The following GMDS variants were observed in gnomAD, a reference collection of about 807,000 sequenced individuals.
GMDS encodes the protein GDP-mannose 4,6 dehydratase.
A neutral mutation model predicts 49.9 loss-of-function variants in GMDS; 20 were observed. The ratio of observed to expected loss-of-function variants is 0.40; its 90% CI spans 0.28 to 0.58. The LOEUF is 0.58. Among genes scored for constraint, GMDS ranks in the 20% least tolerant of loss-of-function variants. The probability of loss-of-function intolerance (pLI) is 0.42; values close to 1 mark genes in which losing one functional copy is unlikely to be tolerated. For synonymous variants in GMDS, 177 were observed against 178.6 expected (o/e 0.99, Z 0.07); for missense variants, 362 against 481.4 (o/e 0.75, Z 2.32).
chr6:2,107,735 T>A (rs1774322409), intron 4 of GMDS, among the ~76,000 whole-genome samples: 3 of 152,218 alleles, frequency 2.0e-5, no homozygotes, highest in Non-Finnish European at 4.4e-5. Flanking sequence ...AGATTAAAAG[T>A]ATCCAGTCTT....
intron 4 of GMDS, among the ~76,000 whole-genome samples, chr6:1,985,551 G>GA (rs930602738): frequency 2.6e-5 from 4 of 150,954 alleles, no homozygotes; most frequent in Non-Finnish European, 5.9e-5. Flanking sequence ...CTTAAACCAA[G>GA]AAAAAAAATC....
At chr6:2,026,640 C>T (rs1213732890) in intron 4 of GMDS, among the ~76,000 whole-genome samples, 1 of 152,136 alleles carries the variant, frequency 6.6e-6, no homozygotes, top group African/African-American at 2.4e-5. Flanking sequence ...TGAACATTTC[C>T]TAAAGTGCTC....
chr6:2,184,968 C>T (rs922653717), intron 1 of GMDS, among the ~76,000 whole-genome samples: 7 of 152,084 alleles, frequency 4.6e-5, no homozygotes, highest in African/African-American at 1.4e-4. Flanking sequence ...CTGTACCAGA[C>T]ACTGTTTTAG....
intron 7 of GMDS, among the ~76,000 whole-genome samples, chr6:1,908,736 C>T (rs1018652839): frequency 6.6e-5 from 10 of 152,208 alleles, no homozygotes; most frequent in Admixed American, 5.9e-4. Context: ...GTAAGCTCTT[C>T]CCTACGGCTG....
intron 1 of GMDS, among the ~76,000 whole-genome samples, chr6:2,167,734 C>T (rs75328389): frequency 0.041 from 6,181 of 152,000 alleles, 252 homozygotes; most frequent in South Asian, 0.13. Flanking sequence ...CAAGCCAATC[C>T]TCCTCTGATA....
Position 1,919,917 on chromosome 6 carries a change from A to C in GMDS, c.771+10186T>G, listed in dbSNP as rs145409217. On this transcript the variant is annotated intron_variant, in intron 7 of 10. Transcript: ENST00000380815. Reference sequence around the variant, plus strand: ...TCAAATCAGCACTACAAAGCCATCAATTATCCCAGCTGTATTGAAGTCAAC... The same window carrying C: ...TCAAATCAGCACTACAAAGCCATCACTTATCCCAGCTGTATTGAAGTCAAC... Among the ~76,000 whole-genome samples the C allele has an allele frequency of 4.7e-4, 72 of 152,340 alleles. 1 individual carries two copies. The highest frequency in any genetic ancestry group is 1.6e-3 in the African/African-American group (65 of 41,578).
chr6:2,072,142 A>G (rs1772050340), intron 4 of GMDS, among the ~76,000 whole-genome samples: 2 of 152,236 alleles, frequency 1.3e-5, no homozygotes, highest in South Asian at 4.1e-4. Flanking sequence ...CATGGATACA[A>G]TTTACATGCT....
At chr6:2,117,001 A>G (rs1774882951) in intron 3 of GMDS, among the ~76,000 whole-genome samples, 6 of 152,246 alleles carry the variant, frequency 3.9e-5, no homozygotes, top group Non-Finnish European at 8.8e-5. Flanking sequence ...AACAACTGCA[A>G]ATGCTGACAA....
intron 1 of GMDS, among the ~76,000 whole-genome samples, chr6:2,226,308 A>G (rs1003012750): frequency 6.6e-6 from 1 of 152,168 alleles, no homozygotes; most frequent in Non-Finnish European, 1.5e-5. Context: ...CAGTTCACTA[A>G]TTTTGAAAGA....
chr6:1,790,803 C>T (rs545929085), intron 7 of GMDS, among the ~76,000 whole-genome samples: 8 of 152,342 alleles, frequency 5.3e-5, no homozygotes, highest in African/African-American at 1.9e-4. Flanking sequence ...AGAAGTTCTG[C>T]TGCTGCCTGC....
chr6:2,043,736 A>G lies in GMDS; in HGVS notation c.345+72035T>C, dbSNP rs1769826843. Among the ~76,000 whole-genome samples, 5 of 152,354 alleles carry G rather than the reference A, an allele frequency of 3.3e-5. No individual in the cohort carries two copies. In the South Asian group the frequency reaches 1.0e-3, roughly 32 times the overall value. On this transcript the variant is annotated intron_variant, in intron 4 of 10. Coordinates refer to ENST00000380815, the MANE Select transcript of GMDS (RefSeq NM_001500.4). ...AATAAACTTGTTTTTGAGCTTCTGC[A>G]CAGCAAAATAAACTATCAACAGAGT...
intron 1 of GMDS, among the ~76,000 whole-genome samples, chr6:2,233,162 T>A (rs577290231): frequency 6.6e-6 from 1 of 152,290 alleles, no homozygotes; most frequent in East Asian, 1.9e-4. Flanking sequence ...CAAAAACATC[T>A]CTGGCCTCCC....
At chr6:1,707,590 C>CTGCCACTCACT (rs1765783942) in intron 9 of GMDS, among the ~76,000 whole-genome samples, 1 of 151,668 alleles carries the variant, frequency 6.6e-6, no homozygotes, top group Non-Finnish European at 1.5e-5. Context: ...GGGAGGAGCT[C>CTGCCACTCACT]CCCACCTTCC....
intron 6 of GMDS, among the ~76,000 whole-genome samples, chr6:1,942,010 C>T (rs1762847929): frequency 6.6e-6 from 1 of 152,226 alleles, no homozygotes; most frequent in Non-Finnish European, 1.5e-5. Context: ...CCTTCGCACA[C>T]CTATGCTGAC....
chr6:1,728,076 G>C (rs1381788098), intron 8 of GMDS, among the ~76,000 whole-genome samples: 1 of 152,174 alleles, frequency 6.6e-6, no homozygotes, highest in African/African-American at 2.4e-5. Context: ...AATTCACCGG[G>C]AAACGGTAAG....
intron 8 of GMDS, among the ~76,000 whole-genome samples, chr6:1,727,583 A>C (rs1766641952): frequency 6.6e-6 from 1 of 152,110 alleles, no homozygotes; most frequent in South Asian, 2.1e-4. Context: ...GGGAAGACAA[A>C]ATTAGTTACC....
intron 4 of GMDS, among the ~76,000 whole-genome samples, chr6:1,967,967 G>T (rs1581436104): frequency 6.6e-6 from 1 of 152,210 alleles, no homozygotes; most frequent in Non-Finnish European, 1.5e-5. Flanking sequence ...TGTCAATTCT[G>T]TAGTCTACAA....
rs1763285684 is a variant in GMDS, at chr6:1,640,196, T to C, written c.988-15656A>G. 2.0e-5 allele frequency among the ~76,000 whole-genome samples: 3 copies of C among 152,108 alleles called. No homozygotes were observed. The highest frequency in any genetic ancestry group is 7.2e-5 in the African/African-American group (3 of 41,418). ...GTTGCCCAAGGCTCCCCCACATCAC[T>C]CTTCAGTTCTAGCAATCTGCTGCCC... On this transcript the variant is annotated intron_variant, in intron 9 of 10. Coordinates refer to ENST00000380815, the MANE Select transcript of GMDS (RefSeq NM_001500.4). The surrounding 1 kb of genome is among the most constrained non-coding windows in gnomAD (Gnocchi z 4.0).
chr6:2,185,383 T>A (rs1038407517), intron 1 of GMDS, among the ~76,000 whole-genome samples: 1 of 152,214 alleles, frequency 6.6e-6, no homozygotes, highest in African/African-American at 2.4e-5. Flanking sequence ...TCAAAACTAC[T>A]GCACTTTACA....
Sources: allele counts gnomAD v4.1 joint callset (sites outside exome capture counted in the v4.1 genomes callset), GRCh38; gene constraint gnomAD v4.1.1; non-coding constraint Gnocchi (gnomAD v3.1); transcripts MANE v1.5; gene names NCBI Gene and HGNC (gene_info 2026-07-23, HGNC 2026-07-21).